The following SDK1 variants were observed in gnomAD, a reference collection of about 807,000 sequenced individuals.
SDK1 encodes the protein sidekick cell adhesion molecule 1.
SDK1 carries 157 observed loss-of-function variants against 245.5 expected under a neutral mutation model. The observed-to-expected ratio is 0.64, with a 90% CI of 0.56 to 0.73. The LOEUF (loss-of-function observed/expected upper bound fraction) is 0.73. SDK1 is among the 30% of genes least tolerant of loss of function. The pLI is 0.00. For synonymous variants in SDK1, 1,647 were observed against 1,278.5 expected (o/e 1.29, Z -6.15); for missense variants, 3,583 against 3,002.3 (o/e 1.19, Z -4.52).
At chr7:3,432,260 G>A (rs561051081) in intron 1 of SDK1, among the ~76,000 whole-genome samples, 5 of 151,590 alleles carry the variant, frequency 3.3e-5, no homozygotes, top group African/African-American at 7.3e-5. Context: ...TTTGGCTATC[G>A]TGATGACATT....
At chr7:3,462,336 CT>C (rs1329206385) in intron 1 of SDK1, among the ~76,000 whole-genome samples, 2 of 152,174 alleles carry the variant, frequency 1.3e-5, no homozygotes, top group Admixed American at 6.6e-5. Flanking sequence ...CTCTTCCCCC[CT>C]GCCCCGCCGA....
chr7:3,328,758 C>G (rs1376679189), intron 1 of SDK1, among the ~76,000 whole-genome samples: 1 of 152,074 alleles, frequency 6.6e-6, no homozygotes, highest in South Asian at 2.1e-4. Flanking sequence ...ACACATAGAT[C>G]TATTCTCCTT....
At chr7:3,904,079 A>C (rs1468080113) in intron 5 of SDK1, among the ~76,000 whole-genome samples, 8 of 152,120 alleles carry the variant, frequency 5.3e-5, no homozygotes, top group East Asian at 3.9e-4. Flanking sequence ...TTCTTTATAA[A>C]CCACCCAGTC....
intron 1 of SDK1, among the ~76,000 whole-genome samples, chr7:3,577,053 T>G (rs1422032386): frequency 2.0e-5 from 3 of 151,872 alleles, no homozygotes; most frequent in Non-Finnish European, 4.4e-5. Flanking sequence ...TTATGCCCAA[T>G]CCACCTTGCA....
chr7:3,943,928 G>A (rs1780473765), intron 5 of SDK1, among the ~76,000 whole-genome samples: 1 of 152,176 alleles, frequency 6.6e-6, no homozygotes, highest in Admixed American at 6.5e-5. Context: ...TTCTGCCTCT[G>A]AAGCTACCTG....
At chr7:4,074,910 ATATATATTT>A (rs1271419247) in intron 20 of SDK1, among the ~76,000 whole-genome samples, 50 of 77,174 alleles carry the variant, frequency 6.5e-4, no homozygotes, top group African/African-American at 2.0e-3. Context: ...ATATATATAT[ATATATATTT>A]TTTTTTTTTT....
intron 4 of SDK1, among the ~76,000 whole-genome samples, chr7:3,679,774 G>T (rs1414343954): frequency 6.6e-6 from 1 of 152,202 alleles, no homozygotes; most frequent in African/African-American, 2.4e-5. Context: ...GAGATGTAAA[G>T]AAATGGGATC....
At chr7:4,090,892 G>A (rs1236057366) in intron 22 of SDK1, among the ~76,000 whole-genome samples, 1 of 135,260 alleles carries the variant, frequency 7.4e-6, no homozygotes, top group Non-Finnish European at 1.5e-5. Flanking sequence ...GTTTATGTGA[G>A]CTTCCCTTTT....
chr7:3,827,257 A>T (rs1420254125), intron 5 of SDK1, among the ~76,000 whole-genome samples: 1 of 152,188 alleles, frequency 6.6e-6, no homozygotes, highest in Non-Finnish European at 1.5e-5. Context: ...TCCAAGGCGT[A>T]GGCAGGCATG....
chr7:4,083,426 T>C (rs1781191495), intron 22 of SDK1, among the ~76,000 whole-genome samples: 1 of 152,102 alleles, frequency 6.6e-6, no homozygotes, highest in Admixed American at 6.5e-5. Context: ...GAGATGCACC[T>C]GGTTACATCC....
intron 1 of SDK1, among the ~76,000 whole-genome samples, chr7:3,556,750 C>G (rs186277912): frequency 6.6e-6 from 1 of 152,112 alleles, no homozygotes; most frequent in South Asian, 2.1e-4. Context: ...GCCAAGATCA[C>G]GCCACTGCAC....
In SDK1 at chr7:3,790,230, A is replaced by G. The variant is rs189401970; in HGVS notation, c.714-31220A>G. ...AGAAGCCAGGGGGCTGTCTCTGAAG[A>G]AATGGAATGGGTTCAGAGAGAGGAC... On this transcript the variant is annotated intron_variant, in intron 4 of 44. Transcript: ENST00000404826. Among the ~76,000 whole-genome samples, 479 of 152,272 alleles carry G rather than the reference A, an allele frequency of 3.1e-3. 1 individual carries two copies. The highest frequency in any genetic ancestry group is 8.6e-3 in the African/African-American group (356 of 41,548).
chr7:4,061,650 A>G (rs1477202522), intron 19 of SDK1, among the ~76,000 whole-genome samples: 2 of 152,170 alleles, frequency 1.3e-5, no homozygotes, highest in Non-Finnish European at 2.9e-5. Context: ...CCAAATGACT[A>G]TAAATCATGC....
At chr7:3,525,207 G>A (rs545209573) in intron 1 of SDK1, among the ~76,000 whole-genome samples, 2 of 152,094 alleles carry the variant, frequency 1.3e-5, no homozygotes, top group South Asian at 4.2e-4. Context: ...GGTGGGCCCT[G>A]GAACCAATGC....
At chr7:3,532,844 C>G (rs1273111970) in intron 1 of SDK1, among the ~76,000 whole-genome samples, 1 of 152,034 alleles carries the variant, frequency 6.6e-6, no homozygotes, top group Non-Finnish European at 1.5e-5. Flanking sequence ...TCACATGGCC[C>G]TCTTTCAGGC....
intron 1 of SDK1, among the ~76,000 whole-genome samples, chr7:3,548,256 A>G (rs1054859564): frequency 2.6e-5 from 4 of 152,236 alleles, no homozygotes; most frequent in African/African-American, 9.6e-5. Flanking sequence ...TATCATTGAT[A>G]TAACTGATTA....
chr7:3,387,162 A>G (rs977112883), intron 1 of SDK1, among the ~76,000 whole-genome samples: 2 of 152,068 alleles, frequency 1.3e-5, no homozygotes, highest in South Asian at 4.1e-4. Context: ...TCATACCCCC[A>G]AGCTAGACAC....
chr7:4,224,029 T>C (rs914555453), intron 40 of SDK1, among the ~76,000 whole-genome samples: 31 of 152,256 alleles, frequency 2.0e-4, no homozygotes, highest in African/African-American at 7.5e-4. Context: ...TCTTCATACG[T>C]CTTCCAAGGA....
intron 4 of SDK1, among the ~76,000 whole-genome samples, chr7:3,802,143 T>C (rs1168017036): frequency 1.3e-5 from 2 of 152,200 alleles, no homozygotes; most frequent in African/African-American, 2.4e-5. Context: ...TAGTGCAATA[T>C]CAAAACCAGG....
Sources: allele counts gnomAD v4.1 joint callset (sites outside exome capture counted in the v4.1 genomes callset), GRCh38; gene constraint gnomAD v4.1.1; transcripts MANE v1.5; gene names NCBI Gene and HGNC (gene_info 2026-07-23, HGNC 2026-07-21).